UNC80: variants seen among roughly 807,000 people sequenced by gnomAD.
UNC80 encodes the protein protein unc-80 homolog.
A neutral mutation model predicts 384.6 loss-of-function variants in UNC80; 164 were observed. The observed-to-expected ratio is 0.43, with a 90% confidence interval of 0.38 to 0.49. The LOEUF (loss-of-function observed/expected upper bound fraction) is 0.49, where lower values mean the gene tolerates loss of function less well. UNC80 is among the 20% of genes least tolerant of loss of function. The pLI is 0.00. For synonymous variants in UNC80, 1,486 were observed against 1,527.8 expected (o/e 0.97, Z 0.64); for missense variants, 3,330 against 4,143.0 (o/e 0.80, Z 5.39).
intron 48 of UNC80, among the ~76,000 whole-genome samples, chr2:209,955,591 T>TA (rs549145755): frequency 1.4e-3 from 213 of 148,328 alleles, no homozygotes; most frequent in Non-Finnish European, 2.7e-3. Context: ...ATGAAAGACT[T>TA]ACACTCTTCC....
At chr2:209,859,953 A>C (rs1192299305) in intron 22 of UNC80, among the ~76,000 whole-genome samples, 2 of 151,888 alleles carry the variant, frequency 1.3e-5, no homozygotes, top group East Asian at 3.9e-4. Context: ...GATTGCAAAA[A>C]TTTTCTCCCA....
intron 39 of UNC80, among the ~76,000 whole-genome samples, chr2:209,934,515 A>G (rs2091110019): frequency 6.6e-6 from 1 of 152,210 alleles, no homozygotes; most frequent in South Asian, 2.1e-4. Context: ...TTGCCTTAAG[A>G]CAAAGATTTG....
Position 209,994,226 on chromosome 2 carries a change from A to G in UNC80, c.9670A>G (p.Ile3224Val), listed in dbSNP as rs1255371544. Residue 3224 changes from isoleucine (I) to valine (V), a missense_variant, in exon 64 of 65, where the codon ATA becomes GTA. Around this residue, in one of 8 missense-constraint regions of UNC80, gnomAD observed 236 missense variants for 254.9 expected, o/e 0.93. Transcript: ENST00000673920. ...ACCAGTCCTCACATCTTCTCCCGCC[A>G]TAGTTGTTGCGGATCTCCACAGCGT... ...DEPVLTSSPAIVVADLHSVSP... is the reference protein window; with the variant it reads ...DEPVLTSSPAVVVADLHSVSP... The G allele has an allele frequency of 5.2e-6, 8 of 1,551,222 alleles. No individual in the cohort carries two copies. Among genetic ancestry groups the G allele is most frequent in the Admixed American group, 2.0e-5 (1 of 50,938 alleles).
At chr2:209,843,650 A>C (rs1574697598) in intron 21 of UNC80, among the ~76,000 whole-genome samples, 1 of 152,190 alleles carries the variant, frequency 6.6e-6, no homozygotes, top group Non-Finnish European at 1.5e-5. Context: ...TCTTCTTTGT[A>C]CTATAAAGAT....
chr2:209,819,440 T>C (rs920575943), intron 12 of UNC80, among the ~76,000 whole-genome samples, 179 bp downstream of exon 12: 5 of 152,204 alleles, frequency 3.3e-5, no homozygotes, highest in Admixed American at 6.5e-5. Context: ...ACCTTACTTT[T>C]TTTTCAAGCA....
chr2:209,839,472 C>T lies in UNC80; in HGVS notation c.3250+42C>T. 2 of 1,545,932 alleles carry T rather than the reference C, an allele frequency of 1.3e-6. No individual in the cohort carries two copies. Among genetic ancestry groups the T allele is most frequent in the South Asian group, 1.2e-5 (1 of 83,774 alleles). ...ATTTGTTTATGGATTATCTTATTACCAACCATGTCCTCAGATCAACTCAGT... is the reference window on the plus strand; with the variant it reads ...ATTTGTTTATGGATTATCTTATTACTAACCATGTCCTCAGATCAACTCAGT... On this transcript the variant is annotated intron_variant, in intron 19 of 64. Transcript: ENST00000673920. The surrounding 1 kb of genome is among the most constrained non-coding windows in gnomAD (Gnocchi z 4.1).
chr2:209,971,458 C>A (rs2092882176), intron 54 of UNC80, among the ~76,000 whole-genome samples: 1 of 88,638 alleles, frequency 1.1e-5, no homozygotes, highest in Non-Finnish European at 2.2e-5. Context: ...ATAATCATTC[C>A]CAAGGCAAAA....
intron 51 of UNC80, among the ~76,000 whole-genome samples, chr2:209,962,299 C>G (rs1262680461): frequency 6.6e-6 from 1 of 152,106 alleles, no homozygotes; most frequent in East Asian, 1.9e-4. Context: ...CATGGCTAGC[C>G]TTGGAAAAGA....
chr2:209,845,373 A>G (rs984679159), intron 21 of UNC80: 1 of 152,176 alleles, frequency 6.6e-6, no homozygotes, highest in African/African-American at 2.4e-5. Flanking sequence ...TGACTTGTTT[A>G]CACTCTCCTT....
At chr2:209,893,912 C>G (rs945293340) in intron 26 of UNC80, among the ~76,000 whole-genome samples, 3 of 152,190 alleles carry the variant, frequency 2.0e-5, no homozygotes, top group Admixed American at 1.3e-4. Flanking sequence ...CACACTCATG[C>G]TAGTGAAACC....
At chr2:209,916,043 AAAAG>A (rs1416282996) in intron 31 of UNC80, among the ~76,000 whole-genome samples, 6 of 152,224 alleles carry the variant, frequency 3.9e-5, no homozygotes, top group Admixed American at 3.9e-4. Flanking sequence ...ATTTTTTTCA[AAAAG>A]AAATAGTAAT....
At chr2:209,923,856 T>A (rs867209644) in intron 35 of UNC80, among the ~76,000 whole-genome samples, 2 of 152,180 alleles carry the variant, frequency 1.3e-5, no homozygotes, top group Non-Finnish European at 1.5e-5. Context: ...ATTTGTTTGT[T>A]TTTATCCATT....
intron 36 of UNC80, among the ~76,000 whole-genome samples, chr2:209,929,337 A>G (rs1350588594): frequency 6.6e-6 from 1 of 152,106 alleles, no homozygotes; most frequent in African/African-American, 2.4e-5. Context: ...AGGATTAATT[A>G]TTTATTCTTA....
chr2:209,813,861 T>G lies in UNC80; in HGVS notation c.1200+20T>G, dbSNP rs1189103949. ...ACCCAAGTAAGAAAAACCCGGTTCA[T>G]TGTCATTCAAACCAGCAACTTTGCC... On this transcript the variant is annotated intron_variant, in intron 8 of 64. Coordinates refer to ENST00000673920, the MANE Select transcript of UNC80 (RefSeq NM_001371986.1). 1 of 1,546,808 alleles carries G rather than the reference T, an allele frequency of 6.5e-7. No individual in the cohort carries two copies. Among genetic ancestry groups the G allele is most frequent in the Non-Finnish European group, 8.7e-7 (1 of 1,144,256 alleles).
chr2:209,991,559 G>T (rs550009989), intron 61 of UNC80, among the ~76,000 whole-genome samples: 5 of 152,180 alleles, frequency 3.3e-5, no homozygotes, highest in Non-Finnish European at 5.9e-5. Context: ...TGTAATGATA[G>T]CTTAACTATA....
At chr2:209,887,211 T>A (rs1005508650) in intron 25 of UNC80, among the ~76,000 whole-genome samples, 3 of 152,058 alleles carry the variant, frequency 2.0e-5, no homozygotes, top group African/African-American at 7.2e-5. Context: ...TAATTTTGTA[T>A]TTTTAGTATA....
Position 209,977,004 on chromosome 2 carries a change from T to C in UNC80, c.8864T>C (p.Leu2955Ser). 6.5e-7 allele frequency: 1 copy of C among 1,539,298 alleles called. No individual in the cohort carries two copies. The highest frequency in any genetic ancestry group is 8.8e-7 in the Non-Finnish European group (1 of 1,136,724). ...QLERRFIPRP[L>S]CKSSLIAEFN... ...GAGCGGCGCTTCATACCACGCCCTT[T>C]GTGTAAGAGCTCGCTCATTGCTGAG... Residue 2955 changes from leucine to serine, a missense_variant, in exon 58 of 65, where the codon TTG becomes TCG. Physicochemically the swap from Leu to Ser is moderately radical, Grantham distance 145. Transcript: ENST00000673920.
chr2:209,968,050 A>G (rs1348594078), intron 52 of UNC80: 1 of 153,516 alleles, frequency 6.5e-6, no homozygotes, highest in East Asian at 1.9e-4. Flanking sequence ...GTACCAGTTT[A>G]GAGAAATTCC....
intron 54 of UNC80, 46 bp downstream of exon 54, chr2:209,971,003 G>A: frequency 6.5e-7 from 1 of 1,532,926 alleles, no homozygotes; most frequent in Non-Finnish European, 8.8e-7. Flanking sequence ...GTTGCTGGTT[G>A]AGGCACCAGA....
Sources: allele counts gnomAD v4.1 joint callset (sites outside exome capture counted in the v4.1 genomes callset), GRCh38; gene constraint gnomAD v4.1.1; regional missense constraint gnomAD v4.1.1; non-coding constraint Gnocchi (gnomAD v3.1); transcripts MANE v1.5; gene names NCBI Gene and HGNC (gene_info 2026-07-23, HGNC 2026-07-21).